The following ANKRD62 variants were observed in gnomAD, a reference collection of about 807,000 sequenced individuals.
ANKRD62 encodes ankyrin repeat domain 62, also known as ankyrin repeat domain-containing protein 62.
In ANKRD62, 61 loss-of-function variants were observed where a neutral mutation model predicts 98.8. The observed-to-expected ratio is 0.62, with a 90% CI of 0.50 to 0.76. The LOEUF (loss-of-function observed/expected upper bound fraction) is 0.76. Among genes scored for constraint, ANKRD62 ranks in the 30% least tolerant of loss-of-function variants. The pLI is 0.00. For synonymous variants in ANKRD62, 341 were observed against 367.9 expected (o/e 0.93, Z 0.84); for missense variants, 933 against 1,082.9 (o/e 0.86, Z 1.94).
At position 12,095,459 on chromosome 18, in the gene ANKRD62, T is replaced by C; in HGVS notation, c.356T>C (p.Val119Ala). The C allele has an allele frequency of 6.3e-7, 1 of 1,574,872 alleles. No homozygotes were observed. The highest frequency in any genetic ancestry group is 1.7e-4 in the Middle Eastern group (1 of 6,032). The change falls in exon 3 of 14, where the codon GTT becomes GCT. Residue 119 changes from valine (V) to alanine (A), a missense_variant. By Grantham distance (64) the Val-to-Ala change is moderately conservative. Around this residue, in one of 3 missense-constraint regions of ANKRD62, gnomAD observed 549 missense variants for 587.9 expected, o/e 0.93. Transcript: ENST00000587848. ...CAGGCTGTACAATGTCAAGAAGAAG[T>C]TTGTGCATCCATCCTGCTGGAACAT... Reference protein sequence around the residue: ...LIKAVQCQEEVCASILLEHGA... With the variant: ...LIKAVQCQEEACASILLEHGA...
chr18:12,098,290 G>A (rs1464879149), intron 5 of ANKRD62: 1 of 152,196 alleles, frequency 6.6e-6, no homozygotes, highest in Non-Finnish European at 1.5e-5. Context: ...TCCACCTCAA[G>A]TTTTTAAAAT....
At chr18:12,134,601 A>G (rs1910053127), downstream of ANKRD62, among the ~76,000 whole-genome samples, 1 of 151,880 alleles carries the variant, frequency 6.6e-6, no homozygotes, top group African/African-American at 2.4e-5. Flanking sequence ...TTCAGTTCCC[A>G]CCTATGAGTG....
Position 12,115,377 on chromosome 18 carries a change from G to A in ANKRD62, c.1099-16G>A. 2.0e-6 allele frequency: 3 copies of A among 1,522,846 alleles called. No homozygotes were observed. The highest frequency in any genetic ancestry group is 2.6e-6 in the Non-Finnish European group (3 of 1,139,282). 94.3% of individuals were successfully genotyped at this position (1,522,846 alleles called of 1,614,324 possible). A position where few individuals can be genotyped will look rare whatever the true frequency, so the allele number is the denominator to read the frequency against. ...TATTTCGAGGGCATTTTGAAACAGT[G>A]TTATTTATTTTATAGGTTAAAAGCC... On this transcript the variant is annotated splice_polypyrimidine_tract_variant and intron_variant, in intron 9 of 13. Coordinates refer to ENST00000587848, the MANE Select transcript of ANKRD62 (RefSeq NM_001277333.2).
chr18:12,102,131 A>T, intron 6 of ANKRD62: 3 of 1,292,642 alleles, frequency 2.3e-6, no homozygotes, highest in Non-Finnish European at 2.2e-6. Context: ...CCATGAACAT[A>T]GTCAGTAACA....
intron 7 of ANKRD62, among the ~76,000 whole-genome samples, chr18:12,103,833 T>G (rs1210793706): frequency 1.3e-5 from 2 of 152,274 alleles, no homozygotes; most frequent in East Asian, 3.9e-4. Context: ...CAAATATTGT[T>G]AAATTTTTAA....
At chr18:12,110,790 TCCA>T (rs887431684) in intron 8 of ANKRD62, among the ~76,000 whole-genome samples, 1 of 152,220 alleles carries the variant, frequency 6.6e-6, no homozygotes, top group African/African-American at 2.4e-5. Context: ...GAGAACTTTC[TCCA>T]CCATATCACT....
the ANKRD62 span, among the ~76,000 whole-genome samples, chr18:12,180,655 CAT>C: frequency 1.4e-5 from 2 of 147,136 alleles, no homozygotes; most frequent in Non-Finnish European, 3.0e-5. Flanking sequence ...CATTTGCCCA[CAT>C]AGTCTCCATT....
chr18:12,097,942 G>A (rs1909216871), intron 5 of ANKRD62, among the ~76,000 whole-genome samples, 165 bp downstream of exon 5: 1 of 152,176 alleles, frequency 6.6e-6, no homozygotes, highest in Non-Finnish European at 1.5e-5. Context: ...GACTAGACAA[G>A]TTAGAAGTAG....
At chr18:12,167,936 G>T in the ANKRD62 span, among the ~76,000 whole-genome samples, 16 of 152,292 alleles carry the variant, frequency 1.1e-4, no homozygotes, top group East Asian at 1.9e-4. Context: ...CTTCTTTTGA[G>T]AACTATCTAT....
At chr18:12,122,736 T>C (rs1445323721) in intron 11 of ANKRD62, among the ~76,000 whole-genome samples, 3 of 152,204 alleles carry the variant, frequency 2.0e-5, no homozygotes, top group Non-Finnish European at 4.4e-5. Context: ...TTAATGGCTA[T>C]ATAGAATTCC....
At chr18:12,150,488 G>T in the ANKRD62 span, among the ~76,000 whole-genome samples, 2 of 152,058 alleles carry the variant, frequency 1.3e-5, no homozygotes, top group Non-Finnish European at 2.9e-5. Flanking sequence ...CCATCCCCAA[G>T]ACATATAATC....
chr18:12,138,230 A>G, the ANKRD62 span, among the ~76,000 whole-genome samples: 2 of 152,108 alleles, frequency 1.3e-5, no homozygotes, highest in Non-Finnish European at 2.9e-5. Flanking sequence ...TGTCCCAGAG[A>G]TTCTGGTATG....
At position 12,115,069 on chromosome 18, in the gene ANKRD62, T is replaced by G; in HGVS notation, c.1065-19T>G. 7.2e-7 allele frequency: 1 copy of G among 1,395,996 alleles called. No homozygotes were observed. The highest frequency in any genetic ancestry group is 9.2e-7 in the Non-Finnish European group (1 of 1,082,370). 86.5% of individuals were successfully genotyped at this position (1,395,996 alleles called of 1,614,324 possible). On this transcript the variant is annotated intron_variant, in intron 8 of 13. Coordinates refer to ENST00000587848, the MANE Select transcript of ANKRD62 (RefSeq NM_001277333.2). Reference sequence around the variant, plus strand: ...TATTTACTATTTGCCTGATTGGAATTTTTTGGTTTTTTTTTTAGGCTTGCA... The same window carrying G: ...TATTTACTATTTGCCTGATTGGAATGTTTTGGTTTTTTTTTTAGGCTTGCA...
intron 6 of ANKRD62, chr18:12,102,599 GTT>G: frequency 2.1e-6 from 1 of 465,970 alleles, no homozygotes; most frequent in Non-Finnish European, 3.0e-6. Context: ...ATATAAAACT[GTT>G]TGTCTGGGGA....
intron 8 of ANKRD62, among the ~76,000 whole-genome samples, chr18:12,113,459 C>T (rs900060166): frequency 5.9e-5 from 9 of 152,164 alleles, no homozygotes. Flanking sequence ...AACATCGTCT[C>T]TACTAAAAAT....
At chr18:12,136,595 C>T in the ANKRD62 span, among the ~76,000 whole-genome samples, 1 of 152,182 alleles carries the variant, frequency 6.6e-6, no homozygotes, top group South Asian at 2.1e-4. Context: ...TCATTGGTAG[C>T]TTGATGGGGA....
chr18:12,100,886 C>G (rs540944241), intron 6 of ANKRD62, among the ~76,000 whole-genome samples: 1 of 152,060 alleles, frequency 6.6e-6, no homozygotes, highest in African/African-American at 2.4e-5. Context: ...TAATAATATT[C>G]GAATAGCCCA....
the ANKRD62 span, among the ~76,000 whole-genome samples, chr18:12,172,473 T>A: frequency 2.0e-5 from 3 of 151,670 alleles, no homozygotes; most frequent in African/African-American, 7.2e-5. Context: ...TGCTTCCTGA[T>A]CCTTCCTCTG....
the ANKRD62 span, among the ~76,000 whole-genome samples, chr18:12,173,377 TATGTGTGTCATTGC>T: frequency 6.6e-6 from 1 of 152,230 alleles, no homozygotes; most frequent in East Asian, 1.9e-4. Context: ...ATTTTGAGCC[TATGTGTGTCATTGC>T]ATGTGAAATC....
Sources: allele counts gnomAD v4.1 joint callset (sites outside exome capture counted in the v4.1 genomes callset), GRCh38; gene constraint gnomAD v4.1.1; regional missense constraint gnomAD v4.1.1; transcripts MANE v1.5; gene names NCBI Gene and HGNC (gene_info 2026-07-23, HGNC 2026-07-21).